Variants in SUSD6 observed in about 807,000 individuals in gnomAD.
SUSD6 encodes sushi domain containing 6, also known as sushi domain-containing protein 6.
SUSD6 carries 16 observed loss-of-function variants against 28.4 expected under a neutral mutation model. That is an observed-to-expected ratio of 0.56 (90% CI 0.38 to 0.86). SUSD6 has a LOEUF of 0.86. SUSD6 is among the 40% of genes least tolerant of loss of function. The pLI is 0.00. For synonymous variants in SUSD6, 147 were observed against 159.6 expected (o/e 0.92, Z 0.59); for missense variants, 341 against 384.2 (o/e 0.89, Z 0.94).
intron 2 of SUSD6, among the ~76,000 whole-genome samples, chr14:69,683,920 T>C (rs1054148530): frequency 8.5e-5 from 13 of 152,278 alleles, no homozygotes; most frequent in African/African-American, 2.9e-4. Context: ...TAGAAGTCTC[T>C]TTTTGTCTTG....
intron 2 of SUSD6, among the ~76,000 whole-genome samples, chr14:69,702,597 T>TAGAC (rs1886328222): frequency 2.6e-5 from 4 of 152,218 alleles, no homozygotes; most frequent in Admixed American, 2.6e-4. Flanking sequence ...GTAGAAGCAA[T>TAGAC]GTCTGCTGGT....
At chr14:69,683,176 G>A (rs1886023551) in intron 2 of SUSD6, among the ~76,000 whole-genome samples, 1 of 152,184 alleles carries the variant, frequency 6.6e-6, no homozygotes, top group Middle Eastern at 3.4e-3. Flanking sequence ...AGTTTGCCAC[G>A]ACTGGGGTCT....
chr14:69,638,677 T>C (rs1467336065), intron 1 of SUSD6, among the ~76,000 whole-genome samples: 3 of 152,214 alleles, frequency 2.0e-5, no homozygotes, highest in East Asian at 1.9e-4. Context: ...TCTTCATTTC[T>C]AACAAGCTCC....
chr14:69,662,992 G>A (rs2139617658), intron 2 of SUSD6, among the ~76,000 whole-genome samples: 1 of 152,322 alleles, frequency 6.6e-6, no homozygotes, highest in Non-Finnish European at 1.5e-5. Context: ...GACTTTTTAT[G>A]CAGTTGATAT....
chr14:69,625,366 T>G (rs1477774400), intron 1 of SUSD6, among the ~76,000 whole-genome samples: 1 of 152,252 alleles, frequency 6.6e-6, no homozygotes, highest in East Asian at 1.9e-4. Flanking sequence ...CTTTACCTAC[T>G]TTAAAGTTAC....
At chr14:69,673,764 G>A (rs771219150) in intron 2 of SUSD6, among the ~76,000 whole-genome samples, 1 of 151,330 alleles carries the variant, frequency 6.6e-6, no homozygotes, top group Non-Finnish European at 1.5e-5. Flanking sequence ...TCTGGGCTCT[G>A]TGGTATGAAG....
rs1371147957 is a variant in SUSD6, at chr14:69,611,607, C to A, written c.-302C>A. 6.7e-6 allele frequency: 1 copy of A among 149,298 alleles called. No individual in the cohort carries two copies. The highest frequency in any genetic ancestry group is 2.4e-5 in the African/African-American group (1 of 40,888). 9.2% of individuals were successfully genotyped at this position (149,298 alleles called of 1,614,324 possible). A position where few individuals can be genotyped will look rare whatever the true frequency, so the allele number is the denominator to read the frequency against. On this transcript the variant is annotated 5_prime_UTR_variant, in exon 1 of 6. Coordinates refer to ENST00000342745, the MANE Select transcript of SUSD6 (RefSeq NM_014734.4). The stretch of plus-strand genomic sequence containing the variant: ...GGTACAGCTGGGTCAGTGACGCGGG[C>A]GCTGCAGCCGTCGCTACCGCCGCGT...
intron 1 of SUSD6, among the ~76,000 whole-genome samples, chr14:69,627,995 G>A (rs1203858181): frequency 4.0e-5 from 6 of 151,244 alleles, no homozygotes; most frequent in Non-Finnish European, 2.9e-5. Context: ...GGGCAGTGGC[G>A]CGATCTTGAC....
intron 2 of SUSD6, among the ~76,000 whole-genome samples, chr14:69,665,781 A>G (rs954352538): frequency 2.6e-5 from 4 of 152,228 alleles, no homozygotes; most frequent in African/African-American, 4.8e-5. Context: ...GATGAAAAGC[A>G]TGTACTCTGG....
At chr14:69,696,214 A>C (rs1181275712) in intron 2 of SUSD6, among the ~76,000 whole-genome samples, 1 of 152,226 alleles carries the variant, frequency 6.6e-6, no homozygotes, top group Admixed American at 6.5e-5. Flanking sequence ...CAGCCCTGCC[A>C]ATTACAAATG....
intron 2 of SUSD6, among the ~76,000 whole-genome samples, chr14:69,693,077 G>A (rs1241177896): frequency 2.0e-5 from 3 of 152,218 alleles, no homozygotes; most frequent in Non-Finnish European, 4.4e-5. Flanking sequence ...ACGTGGAATA[G>A]CCTGGCTCCC....
chr14:69,628,673 A>G (rs1885150235), intron 1 of SUSD6, among the ~76,000 whole-genome samples: 1 of 150,188 alleles, frequency 6.7e-6, no homozygotes, highest in Admixed American at 6.6e-5. Flanking sequence ...TAATTACTGT[A>G]TTGGAACTAG....
intron 2 of SUSD6, among the ~76,000 whole-genome samples, chr14:69,672,714 G>A (rs79101880): frequency 6.6e-6 from 1 of 152,192 alleles, no homozygotes; most frequent in African/African-American, 2.4e-5. Flanking sequence ...GAGCACCCCC[G>A]AGTGTCCTGC....
intron 2 of SUSD6, among the ~76,000 whole-genome samples, chr14:69,668,766 A>G (rs988540604): frequency 6.6e-6 from 1 of 152,084 alleles, no homozygotes; most frequent in Non-Finnish European, 1.5e-5. Context: ...TTCCTCATGA[A>G]TGGCTTGGGC....
In SUSD6 at chr14:69,624,177, C is replaced by T. The variant is rs577719025; in HGVS notation, c.-81+12349C>T. ...TTCTATGTTTAAGTATGTTTAGATA[C>T]ACAATTACCATCATGTTAGAGTTGC... is the stretch of plus-strand genomic sequence containing the variant. On this transcript the variant is annotated intron_variant, in intron 1 of 5. Coordinates refer to ENST00000342745, the MANE Select transcript of SUSD6 (RefSeq NM_014734.4). Among the ~76,000 whole-genome samples, 4 of 152,298 alleles carry T rather than the reference C, an allele frequency of 2.6e-5. No individual in the cohort carries two copies. The East Asian group carries it at 7.7e-4, about 29-fold the overall frequency.
At chr14:69,630,406 A>G (rs2139596659) in intron 1 of SUSD6, among the ~76,000 whole-genome samples, 1 of 152,336 alleles carries the variant, frequency 6.6e-6, no homozygotes, top group Admixed American at 6.5e-5. Context: ...CTCAGAAAGC[A>G]TCAGCATTTC....
intron 1 of SUSD6, among the ~76,000 whole-genome samples, chr14:69,622,692 C>T (rs572742405): frequency 1.3e-4 from 20 of 152,162 alleles, no homozygotes; most frequent in African/African-American, 4.3e-4. Context: ...CTCCCAGGTT[C>T]GAGCGATTCT....
intron 4 of SUSD6, among the ~76,000 whole-genome samples, chr14:69,705,972 G>A (rs1337569841): frequency 1.3e-5 from 2 of 152,130 alleles, no homozygotes; most frequent in Non-Finnish European, 2.9e-5. Context: ...TATCTTCACA[G>A]TCCTTCATCA....
intron 1 of SUSD6, among the ~76,000 whole-genome samples, chr14:69,650,313 CG>C (rs1460663602): frequency 6.6e-6 from 1 of 152,086 alleles, no homozygotes; most frequent in Non-Finnish European, 1.5e-5. Flanking sequence ...ACATGTCTCA[CG>C]TTTGTCTTAA....
Sources: gnomAD v4.1 joint callset for allele counts (sites outside exome capture counted in the v4.1 genomes callset) on GRCh38, gnomAD v4.1.1 for gene constraint, MANE v1.5 for transcripts, NCBI Gene and HGNC (gene_info 2026-07-23, HGNC 2026-07-21) for gene names.